The following GLIS3 variants were observed in gnomAD, a reference collection of about 807,000 sequenced individuals.
The protein encoded by GLIS3 is zinc finger protein GLIS3.
GLIS3 carries 53 observed loss-of-function variants against 78.6 expected under a neutral mutation model. The ratio of observed to expected loss-of-function variants is 0.67; its 90% CI spans 0.54 to 0.85. The LOEUF (loss-of-function observed/expected upper bound fraction) is 0.85, where lower values mean the gene tolerates loss of function less well. Ranked by LOEUF, GLIS3 falls within the 40% of genes least tolerant of loss-of-function variation. The pLI is 0.00. For missense variants in GLIS3, 1,703 were observed against 1,231.1 expected (o/e 1.38, Z -5.74); for synonymous variants, 684 against 509.9 (o/e 1.34, Z -4.60).
At chr9:4,304,032 G>C (rs1817162968), upstream of GLIS3, among the ~76,000 whole-genome samples, 1 of 152,094 alleles carries the variant, frequency 6.6e-6, no homozygotes, top group African/African-American at 2.4e-5. Context: ...GCCTTTCATG[G>C]CCTAGCAATA....
intron 4 of GLIS3, among the ~76,000 whole-genome samples, chr9:3,993,862 T>G (rs564737544): frequency 2.0e-5 from 3 of 152,240 alleles, no homozygotes; most frequent in African/African-American, 7.2e-5. Context: ...ATAAATAATT[T>G]GCAGTGCTAC....
chr9:3,938,578 C>T (rs2130799910), intron 4 of GLIS3, among the ~76,000 whole-genome samples: 1 of 152,226 alleles, frequency 6.6e-6, no homozygotes, highest in South Asian at 2.1e-4. Flanking sequence ...TTTAAGTTGT[C>T]CAGATTTTGC....
At chr9:4,104,787 GCATT>G (rs1162450176) in intron 4 of GLIS3, among the ~76,000 whole-genome samples, 1 of 152,150 alleles carries the variant, frequency 6.6e-6, no homozygotes, top group African/African-American at 2.4e-5. Context: ...CCAGGTATCT[GCATT>G]ATTTATTATC....
intron 4 of GLIS3, among the ~76,000 whole-genome samples, chr9:4,001,922 C>A (rs1821147650): frequency 1.3e-5 from 2 of 152,174 alleles, no homozygotes; most frequent in Admixed American, 6.6e-5. Flanking sequence ...TTCTGGCCTG[C>A]CTGGGTGGTT....
the GLIS3 span, among the ~76,000 whole-genome samples, chr9:4,426,035 A>G: frequency 1.3e-5 from 2 of 152,128 alleles, no homozygotes; most frequent in Admixed American, 6.5e-5. Flanking sequence ...TCGACAAAAA[A>G]CACATACGTT....
At chr9:4,144,931 T>A (rs1834097797) in intron 2 of GLIS3, 2 of 152,246 alleles carry the variant, frequency 1.3e-5, no homozygotes, top group Non-Finnish European at 2.9e-5. Flanking sequence ...ATAACTGTCT[T>A]CACCAGTAAT....
upstream of GLIS3, among the ~76,000 whole-genome samples, chr9:4,349,091 A>C: frequency 6.6e-6 from 1 of 152,220 alleles, no homozygotes; most frequent in Non-Finnish European, 1.5e-5. Context: ...AGAATGCAAC[A>C]CTACTCCTTA....
At chr9:4,030,172 T>G (rs1045286279) in intron 4 of GLIS3, among the ~76,000 whole-genome samples, 3 of 152,224 alleles carry the variant, frequency 2.0e-5, no homozygotes, top group Non-Finnish European at 4.4e-5. Flanking sequence ...CCTCGTAGTT[T>G]TGATTTGCAT....
intron 2 of GLIS3, among the ~76,000 whole-genome samples, chr9:4,184,509 C>T (rs1277976712): frequency 6.6e-6 from 1 of 152,168 alleles, no homozygotes; most frequent in Non-Finnish European, 1.5e-5. Flanking sequence ...GACTGAGGAG[C>T]GCCTAGTCCT....
chr9:4,238,136 G>A (rs954436319), intron 2 of GLIS3, among the ~76,000 whole-genome samples: 2 of 152,162 alleles, frequency 1.3e-5, no homozygotes, highest in African/African-American at 4.8e-5. Flanking sequence ...AAGCAACTGG[G>A]ACTTCTCGTT....
chr9:4,108,010 C>T (rs998067516), intron 4 of GLIS3, among the ~76,000 whole-genome samples: 2 of 152,016 alleles, frequency 1.3e-5, no homozygotes, highest in Non-Finnish European at 2.9e-5. Flanking sequence ...CGTTGAGCCA[C>T]GTGCTATGGT....
At chr9:4,203,083 A>G (rs1563749256) in intron 2 of GLIS3, among the ~76,000 whole-genome samples, 2 of 152,258 alleles carry the variant, frequency 1.3e-5, no homozygotes, top group African/African-American at 2.4e-5. Flanking sequence ...TATCTGACAA[A>G]GATCTAATAT....
chr9:4,435,780 T>G, the GLIS3 span, among the ~76,000 whole-genome samples: 1 of 152,048 alleles, frequency 6.6e-6, no homozygotes, highest in Admixed American at 6.6e-5. Flanking sequence ...AAACCCTATC[T>G]CTACTAAAAA....
At chr9:4,105,058 C>G (rs1417768943) in intron 4 of GLIS3, among the ~76,000 whole-genome samples, 1 of 152,144 alleles carries the variant, frequency 6.6e-6, no homozygotes, top group East Asian at 1.9e-4. Context: ...ATTTAAAGAT[C>G]TAAAATATCT....
At chr9:3,838,838 G>A (rs897075446) in intron 9 of GLIS3, among the ~76,000 whole-genome samples, 16 of 152,194 alleles carry the variant, frequency 1.1e-4, no homozygotes. Flanking sequence ...TGGAGCCCTT[G>A]CTCTCTGGGG....
At chr9:4,095,685 G>A (rs1330126425) in intron 4 of GLIS3, among the ~76,000 whole-genome samples, 2 of 152,108 alleles carry the variant, frequency 1.3e-5, no homozygotes, top group African/African-American at 4.8e-5. Context: ...CTATAAATTT[G>A]CTTCATGTTT....
intron 2 of GLIS3, among the ~76,000 whole-genome samples, chr9:4,146,545 A>C (rs1252056647): frequency 2.0e-5 from 3 of 152,218 alleles, no homozygotes; most frequent in South Asian, 2.1e-4. Context: ...ACTCAGCAGC[A>C]ATCTTCCCAA....
At chr9:4,249,855 T>C (rs1306109713) in intron 2 of GLIS3, among the ~76,000 whole-genome samples, 2 of 152,212 alleles carry the variant, frequency 1.3e-5, no homozygotes, top group African/African-American at 4.8e-5. Flanking sequence ...TCGAAGGCCT[T>C]TTGTGCATCT....
intron 4 of GLIS3, 78 bp downstream of exon 4, chr9:4,117,690 C>T (rs1425818149): frequency 3.2e-6 from 5 of 1,554,166 alleles, no homozygotes; most frequent in African/African-American, 1.4e-5. Context: ...CTCCATGGGC[C>T]GAGTTAGGAA....
Sources: gnomAD v4.1 joint callset for allele counts (sites outside exome capture counted in the v4.1 genomes callset) on GRCh38, gnomAD v4.1.1 for gene constraint, MANE v1.5 for transcripts, NCBI Gene and HGNC (gene_info 2026-07-23, HGNC 2026-07-21) for gene names.